Variants in PFKL observed in about 807,000 individuals in gnomAD.
PFKL encodes the protein phosphofructokinase, liver type.
In PFKL, 74 loss-of-function variants were observed where a neutral mutation model predicts 92.1. That is an observed-to-expected ratio of 0.80 (90% CI 0.67 to 0.97). The LOEUF (loss-of-function observed/expected upper bound fraction) is 0.97, where lower values mean the gene tolerates loss of function less well. PFKL is among the 50% of genes least tolerant of loss of function. PFKL has a pLI of 0.00. For synonymous variants in PFKL, 494 were observed against 456.4 expected (o/e 1.08, Z -1.05); for missense variants, 1,028 against 1,116.6 (o/e 0.92, Z 1.13).
chr21:44,311,147 C>T lies in PFKL; in HGVS notation c.237+64C>T, dbSNP rs573051425. The T allele has an allele frequency of 2.4e-6, 3 of 1,260,766 alleles. No homozygotes were observed. The South Asian group carries it at 3.8e-5, about 16-fold the overall frequency. 78.1% of individuals were successfully genotyped at this position (1,260,766 alleles called of 1,614,324 possible). A position where few individuals can be genotyped will look rare whatever the true frequency, so the allele number is the denominator to read the frequency against. The stretch of plus-strand genomic sequence containing the variant: ...TCGCAGACAGACACACAGAGACAGA[C>T]CTGCACACACAGACACACACACAGA... On this transcript the variant is annotated intron_variant, in intron 3 of 21. Transcript: ENST00000349048.
intron 13 of PFKL, 93 bp from the exon 14 acceptor site, chr21:44,322,040 C>A: frequency 6.7e-7 from 1 of 1,482,042 alleles, no homozygotes; most frequent in Non-Finnish European, 9.1e-7. Context: ...GCGTGATGCC[C>A]AACACTGGCT....
chr21:44,324,111 C>T (rs1321397845), intron 16 of PFKL, among the ~76,000 whole-genome samples, 193 bp downstream of exon 16: 3 of 152,100 alleles, frequency 2.0e-5, no homozygotes, highest in African/African-American at 7.2e-5. Context: ...CAGGGGGGCC[C>T]TGCGTTGTTC....
intron 2 of PFKL, among the ~76,000 whole-genome samples, chr21:44,308,448 G>A (rs932931568): frequency 6.6e-6 from 1 of 152,174 alleles, no homozygotes; most frequent in Non-Finnish European, 1.5e-5. Context: ...ATAGGGCAGA[G>A]GTGCTGGCAT....
chr21:44,316,976 G>C (rs1030466559), intron 9 of PFKL, among the ~76,000 whole-genome samples: 1 of 152,216 alleles, frequency 6.6e-6, no homozygotes, highest in Non-Finnish European at 1.5e-5. Flanking sequence ...GAGGGGCTGG[G>C]TGGGCAGAGG....
rs531960189 is a variant in PFKL, at chr21:44,302,927, A to G, written c.85+2737A>G. On this transcript the variant is annotated intron_variant, in intron 1 of 21. Transcript: ENST00000349048. ...ATCTATTTGCACAATAACCTGTGCAAAGGTAGCTAGAAGACTTGAAACAGG... is the reference window on the plus strand; with the variant it reads ...ATCTATTTGCACAATAACCTGTGCAGAGGTAGCTAGAAGACTTGAAACAGG... 2.6e-5 allele frequency among the ~76,000 whole-genome samples: 4 copies of G among 152,276 alleles called. No individual in the cohort carries two copies. The South Asian group carries it at 8.3e-4, about 32-fold the overall frequency.
intron 1 of PFKL, among the ~76,000 whole-genome samples, chr21:44,303,618 G>A (rs1292330611): frequency 6.6e-6 from 1 of 152,020 alleles, no homozygotes; most frequent in East Asian, 1.9e-4. Flanking sequence ...TCGCAGGTGA[G>A]GACTTAGCTT....
intron 12 of PFKL, 128 bp downstream of exon 12, chr21:44,320,275 TG>T: frequency 1.4e-6 from 1 of 734,560 alleles, no homozygotes. Context: ...AGCTGTGAGC[TG>T]GGAGGGTGGG....
At position 44,317,338 on chromosome 21, in the gene PFKL, C is replaced by T. The variant is rs115367752; in HGVS notation, c.936+814C>T. On this transcript the variant is annotated intron_variant, in intron 9 of 21. Transcript: ENST00000349048. The stretch of plus-strand genomic sequence containing the variant: ...GCCGAGCATTCCCAGGGAACCCACA[C>T]AGCTGGACGAGGGCCACTCTATAGA... 4.9e-3 allele frequency among the ~76,000 whole-genome samples: 740 copies of T among 152,312 alleles called. 5 individuals are homozygous for T. The highest frequency in any genetic ancestry group is 0.017 in the African/African-American group (711 of 41,570).
chr21:44,312,445 G>A, intron 4 of PFKL, 151 bp downstream of exon 4: 1 of 684,356 alleles, frequency 1.5e-6, no homozygotes, highest in Non-Finnish European at 2.3e-6. Flanking sequence ...GAGGAGTAGT[G>A]TCTGCCAGCA....
Position 44,325,213 on chromosome 21 carries a change from G to A in PFKL, c.1938G>A (p.Glu646=). The A allele has an allele frequency of 6.2e-7, 1 of 1,613,312 alleles. No homozygotes were observed. The highest frequency in any genetic ancestry group is 8.5e-7 in the Non-Finnish European group (1 of 1,179,840). The change falls in exon 19 of 22, where the codon GAG becomes GAA. Residue 646 remains glutamate (E), a synonymous_variant. Transcript: ENST00000349048. ...TEFLYNLYSS[E]GKGVFDCRTN... is the part of the protein sequence containing the mutation. ...TCCTGTACAACCTGTACTCATCAGAGGGCAAGGGCGTCTTCGACTGCAGGA... is the reference window on the plus strand; with the variant it reads ...TCCTGTACAACCTGTACTCATCAGAAGGCAAGGGCGTCTTCGACTGCAGGA...
chr21:44,319,383 G>A lies in PFKL; in HGVS notation c.1095G>A (p.Lys365=), dbSNP rs1213798338. ...AAGTGCAGAAAGCCATGGATGACAA[G>A]AGGTTTGACGAGGCCACCCAGCTCC... ...TKEVQKAMDD[K]RFDEATQLRG... is the part of the protein sequence containing the mutation. Residue 365 remains lysine, a synonymous_variant, in exon 11 of 22, where the codon AAG becomes AAA. Transcript: ENST00000349048. 2 of 1,613,674 alleles carry A rather than the reference G, an allele frequency of 1.2e-6. No individual in the cohort carries two copies. Among genetic ancestry groups the A allele is most frequent in the African/African-American group, 2.7e-5 (2 of 74,948 alleles).
intron 1 of PFKL, among the ~76,000 whole-genome samples, chr21:44,301,108 C>T (rs949334779): frequency 1.3e-5 from 2 of 152,210 alleles, no homozygotes; most frequent in African/African-American, 2.4e-5. Flanking sequence ...CGGACACACA[C>T]CCCCACCCAG....
intron 2 of PFKL, among the ~76,000 whole-genome samples, chr21:44,310,353 C>G (rs566884663): frequency 6.6e-6 from 1 of 152,202 alleles, no homozygotes; most frequent in South Asian, 2.1e-4. Flanking sequence ...TGGCGGGACG[C>G]GGAGCCTGGA....
At chr21:44,326,089 A>G (rs755289529) in intron 20 of PFKL, 29 bp downstream of exon 20, 5 of 1,609,186 alleles carry the variant, frequency 3.1e-6, no homozygotes, top group Non-Finnish European at 4.2e-6. Flanking sequence ...CCGAGGCCTC[A>G]CTTTGCCCTC....
intron 14 of PFKL, 139 bp from the exon 15 acceptor site, chr21:44,322,823 C>G: frequency 1.8e-6 from 1 of 561,532 alleles, no homozygotes. Flanking sequence ...TGTGGAGCCA[C>G]AGCGCCACAT....
chr21:44,323,287 T>C (rs1056526785), intron 15 of PFKL, among the ~76,000 whole-genome samples: 1 of 152,148 alleles, frequency 6.6e-6, no homozygotes, highest in South Asian at 2.1e-4. Context: ...GAGGGTTCTT[T>C]ACTTTCTCCG....
At position 44,326,732 on chromosome 21, in the gene PFKL, A is replaced by AGC; in HGVS notation, c.2214_2215dup (p.Gln739ArgfsTer5). ...CTGCACAGGCACCGCATGCCACGGG[A>AGC]GCAGTGGTGGCTGAGCCTGCGGCTC... On this transcript the variant is annotated frameshift_variant, in exon 22 of 22. Transcript: ENST00000349048. LOFTEE classifies it low-confidence loss of function (END_TRUNC). The AGC allele has an allele frequency of 6.2e-7, 1 of 1,611,926 alleles. No homozygotes were observed. Among genetic ancestry groups the AGC allele is most frequent in the Non-Finnish European group, 8.5e-7 (1 of 1,179,494 alleles).
At chr21:44,302,212 G>A (rs2040796108) in intron 1 of PFKL, among the ~76,000 whole-genome samples, 1 of 152,236 alleles carries the variant, frequency 6.6e-6, no homozygotes, top group Non-Finnish European at 1.5e-5. Flanking sequence ...TTGGGCCTGT[G>A]CCTTCCTCTG....
intron 1 of PFKL, among the ~76,000 whole-genome samples, chr21:44,303,553 G>A (rs2040841075): frequency 6.6e-6 from 1 of 151,950 alleles, no homozygotes; most frequent in Non-Finnish European, 1.5e-5. Flanking sequence ...GCCCCTGCAG[G>A]ACACCGTGCC....
Sources: gnomAD v4.1 joint callset for allele counts (sites outside exome capture counted in the v4.1 genomes callset) on GRCh38, gnomAD v4.1.1 for gene constraint, MANE v1.5 for transcripts, NCBI Gene and HGNC (gene_info 2026-07-23, HGNC 2026-07-21) for gene names.